Variants in CNTN2 observed in about 807,000 individuals in gnomAD.
The protein encoded by CNTN2 is contactin 2.
CNTN2 carries 53 observed loss-of-function variants against 117.5 expected under a neutral mutation model. That is an observed-to-expected ratio of 0.45 (90% CI 0.36 to 0.57). CNTN2 has a LOEUF of 0.57. Among genes scored for constraint, CNTN2 ranks in the 20% least tolerant of loss-of-function variants. CNTN2 has a pLI of 0.00. For missense variants in CNTN2, 1,106 were observed against 1,404.3 expected, an observed-to-expected ratio of 0.79 and a Z score of 3.39; for synonymous variants, 530 against 561.7, an observed-to-expected ratio of 0.94 and a Z score of 0.80.
intron 1 of CNTN2, among the ~76,000 whole-genome samples, chr1:205,047,622 T>G (rs916111316): frequency 2.0e-5 from 3 of 152,104 alleles, no homozygotes; most frequent in Non-Finnish European, 4.4e-5. Context: ...AGTGCTTACC[T>G]ATGACCATTG....
At position 205,064,429 on chromosome 1, in the gene CNTN2, G is replaced by A. The variant is rs1424219619; in HGVS notation, c.1348G>A (p.Val450Met). ...GCCCCGGGCAGCTCCAAAGGCCGTG[G>A]TGCTCTGGAGCAAAGGCACGGAGAT... ...CQPRAAPKAV[V>M]LWSKGTEILV... The change falls in exon 11 of 23, where the codon GTG becomes ATG. Residue 450 changes from valine to methionine, a missense_variant. Val to Met is a conservative substitution (Grantham distance 21). Coordinates refer to ENST00000331830, the MANE Select transcript of CNTN2 (RefSeq NM_005076.5). 6.2e-7 allele frequency: 1 copy of A among 1,612,570 alleles called. No individual in the cohort carries two copies. The highest frequency in any genetic ancestry group is 8.5e-7 in the Non-Finnish European group (1 of 1,178,738).
Position 205,058,914 on chromosome 1 carries a change from G to A in CNTN2, c.488-170G>A. The A allele has an allele frequency of 1.4e-6, 1 of 708,516 alleles. No homozygotes were observed. Among genetic ancestry groups the A allele is most frequent in the Non-Finnish European group, 2.3e-6 (1 of 427,376 alleles). 43.9% of individuals were successfully genotyped at this position (708,516 alleles called of 1,614,324 possible). A position where few individuals can be genotyped will look rare whatever the true frequency, so the allele number is the denominator to read the frequency against. On this transcript the variant is annotated intron_variant, in intron 5 of 22. Transcript: ENST00000331830. The surrounding 1 kb of genome is among the most constrained non-coding windows in gnomAD (Gnocchi z 4.3). The stretch of plus-strand genomic sequence containing the variant: ...CCCTGGCAGACTTAGCGCTCCCTGA[G>A]GGCAGGAATAAAGTCACTTCTTCCC...
rs546122783 is a variant in CNTN2, at chr1:205,043,682, G to A, written c.-87+288G>A. ...GGAGTGTGTCCAGGAATTCCAGTTG[G>A]CCAGCGGGCAGTGGCAGCTGCCTGT... On this transcript the variant is annotated intron_variant, in intron 1 of 22. Coordinates refer to ENST00000331830, the MANE Select transcript of CNTN2 (RefSeq NM_005076.5). Among the ~76,000 whole-genome samples the A allele has an allele frequency of 3.3e-5, 5 of 152,308 alleles. No homozygotes were observed. In the East Asian group the frequency reaches 5.8e-4, roughly 18 times the overall value.
In CNTN2 at chr1:205,073,645, G is replaced by A; in HGVS notation, c.3014-11G>A. 1.2e-6 allele frequency: 2 copies of A among 1,612,440 alleles called. No homozygotes were observed. Among genetic ancestry groups the A allele is most frequent in the African/African-American group, 1.3e-5 (1 of 75,042 alleles). On this transcript the variant is annotated splice_polypyrimidine_tract_variant and intron_variant, in intron 22 of 22. Coordinates refer to ENST00000331830, the MANE Select transcript of CNTN2 (RefSeq NM_005076.5). The surrounding 1 kb of genome is among the most constrained non-coding windows in gnomAD (Gnocchi z 6.3). ...CCCAGGCCCAGCTGACTCAGCTTGTGCTGGTTTCAGGCACAAGCATGATGG... is the reference window on the plus strand; with the variant it reads ...CCCAGGCCCAGCTGACTCAGCTTGTACTGGTTTCAGGCACAAGCATGATGG...
chr1:205,061,873 G>T lies in CNTN2; in HGVS notation c.982G>T (p.Glu328Ter). ...TTTCCGGGCTCCCACAGCTCAGCCT[G>T]AGTGGCTAAAAGTGATCTCGGACAC... Reference protein sequence around the residue: ...QGRIIVQAQPEWLKVISDTEA... With the variant: ...QGRIIVQAQP The change falls in exon 9 of 23, where the codon GAG becomes TAG. Residue 328 changes from glutamate to a stop codon, truncating the protein, a stop_gained. Transcript: ENST00000331830. LOFTEE classifies it high-confidence loss of function. This position sits in a 1 kb window ranked among gnomAD's most constrained non-coding sequence, Gnocchi z 4.8. 1 of 1,541,268 alleles carries T rather than the reference G, an allele frequency of 6.5e-7. No individual in the cohort carries two copies. The highest frequency in any genetic ancestry group is 8.8e-7 in the Non-Finnish European group (1 of 1,141,984).
At chr1:205,057,763 C>A in intron 2 of CNTN2, 158 bp from the exon 3 acceptor site, 1 of 678,806 alleles carries the variant, frequency 1.5e-6, no homozygotes, top group Non-Finnish European at 2.4e-6. Flanking sequence ...ATGTCAAGTG[C>A]TCGATAGCCC....
At chr1:205,064,246 T>C (rs2305277) in intron 10 of CNTN2, 76 bp from the exon 11 acceptor site, 575,627 of 1,484,146 alleles carry the variant, frequency 0.39, 122,461 homozygotes, top group East Asian at 0.87. Flanking sequence ...ATGGCGTGGC[T>C]TCAAAGGGCA....
chr1:205,044,833 C>T (rs1255169647), intron 1 of CNTN2, among the ~76,000 whole-genome samples: 1 of 152,174 alleles, frequency 6.6e-6, no homozygotes, highest in Non-Finnish European at 1.5e-5. Context: ...CAGGTGCCCT[C>T]ACTCCTGGCC....
rs1037450454 is a variant in CNTN2, at chr1:205,050,354, A to T, written c.-86-2746A>T. Among the ~76,000 whole-genome samples, 4 of 151,862 alleles carry T rather than the reference A, an allele frequency of 2.6e-5. No homozygotes were observed. The South Asian group carries it at 8.3e-4, about 32-fold the overall frequency. On this transcript the variant is annotated intron_variant, in intron 1 of 22. Coordinates refer to ENST00000331830, the MANE Select transcript of CNTN2 (RefSeq NM_005076.5). ...GAGAGTTTGTCTTGGGGCTGCCCCCAGGAAGAACGGAAGACCTGTCAACCC... is the reference window on the plus strand; with the variant it reads ...GAGAGTTTGTCTTGGGGCTGCCCCCTGGAAGAACGGAAGACCTGTCAACCC...
At position 205,076,702 on chromosome 1, in the gene CNTN2, C is replaced by G. The variant is rs1019832781; in HGVS notation, c.*2937C>G. 1 of 152,214 alleles carries G rather than the reference C, an allele frequency of 6.6e-6. No homozygotes were observed. Among genetic ancestry groups the G allele is most frequent in the African/African-American group, 2.4e-5 (1 of 41,430 alleles). 9.4% of individuals were successfully genotyped at this position (152,214 alleles called of 1,614,324 possible). A position where few individuals can be genotyped will look rare whatever the true frequency, so the allele number is the denominator to read the frequency against. On this transcript the variant is annotated 3_prime_UTR_variant, in exon 23 of 23. Transcript: ENST00000331830. ...TCTCTTCTGCATACATTTGGGCTCC[C>G]CTTACAGAGCCCTTTGCCCTGGCTC...
chr1:205,073,341 G>A lies in CNTN2; in HGVS notation c.3013+105G>A. The A allele has an allele frequency of 7.2e-7, 1 of 1,388,650 alleles. No homozygotes were observed. 86.0% of individuals were successfully genotyped at this position (1,388,650 alleles called of 1,614,324 possible). ...GCCAACTCCAATCTCTACCCGCAAA[G>A]GAAAGTGGAAGGCAGGCAGGAACCA... On this transcript the variant is annotated intron_variant, in intron 22 of 22. Coordinates refer to ENST00000331830, the MANE Select transcript of CNTN2 (RefSeq NM_005076.5). The surrounding 1 kb of genome is among the most constrained non-coding windows in gnomAD (Gnocchi z 6.3).
Position 205,061,856 on chromosome 1 carries a change from C to T in CNTN2, c.974-9C>T, listed in dbSNP as rs1031625859. ...CTCATGCCAGGTTTTCTTTTCCGGG[C>T]TCCCACAGCTCAGCCTGAGTGGCTA... On this transcript the variant is annotated splice_polypyrimidine_tract_variant and intron_variant, in intron 8 of 22. Coordinates refer to ENST00000331830, the MANE Select transcript of CNTN2 (RefSeq NM_005076.5). The surrounding 1 kb of genome is among the most constrained non-coding windows in gnomAD (Gnocchi z 4.8). 9 of 1,505,860 alleles carry T rather than the reference C, an allele frequency of 6.0e-6. No individual in the cohort carries two copies. In the African/African-American group the frequency reaches 1.1e-4, roughly 19 times the overall value. 93.3% of individuals were successfully genotyped at this position (1,505,860 alleles called of 1,614,324 possible). A position where few individuals can be genotyped will look rare whatever the true frequency, so the allele number is the denominator to read the frequency against.
chr1:205,069,665 A>G, intron 17 of CNTN2, 104 bp downstream of exon 17: 1 of 1,442,918 alleles, frequency 6.9e-7, no homozygotes, highest in South Asian at 1.2e-5. Flanking sequence ...AACGCGGATA[A>G]CTTCCTGTCC....
chr1:205,050,278 AGTGTGTGTGTGTGTGT>A (rs3073631), intron 1 of CNTN2, among the ~76,000 whole-genome samples: 2 of 145,392 alleles, frequency 1.4e-5, no homozygotes, highest in Non-Finnish European at 3.0e-5. Context: ...TAGAGCTCTG[AGTGTGTGTGTGTGTGT>A]GTGTGTGTGT....
intron 15 of CNTN2, 49 bp downstream of exon 15, chr1:205,066,648 G>A: frequency 6.3e-7 from 1 of 1,595,500 alleles, no homozygotes; most frequent in Non-Finnish European, 8.6e-7. Flanking sequence ...TCGACTGGGT[G>A]TAGGAGGTGG....
chr1:205,050,350 C>T (rs2096450485), intron 1 of CNTN2, among the ~76,000 whole-genome samples: 1 of 151,380 alleles, frequency 6.6e-6, no homozygotes, highest in African/African-American at 2.4e-5. Context: ...TTGGGGCTGC[C>T]CCCAGGAAGA....
At chr1:205,071,121 C>T (rs893907498) in intron 19 of CNTN2, among the ~76,000 whole-genome samples, 2 of 152,110 alleles carry the variant, frequency 1.3e-5, no homozygotes, top group Non-Finnish European at 2.9e-5. Flanking sequence ...GGAACAGGTT[C>T]TGGGAAGGGG....
At chr1:205,066,640 G>A (rs571788243) in intron 15 of CNTN2, 41 bp downstream of exon 15, 14 of 1,606,146 alleles carry the variant, frequency 8.7e-6, no homozygotes, top group Admixed American at 3.4e-5. Flanking sequence ...GATAAGGCTC[G>A]ACTGGGTGTA....
At position 205,062,014 on chromosome 1, in the gene CNTN2, G is replaced by C. The variant is rs763271031; in HGVS notation, c.1110+13G>C. 6.2e-7 allele frequency: 1 copy of C among 1,612,152 alleles called. No individual in the cohort carries two copies. Among genetic ancestry groups the C allele is most frequent in the South Asian group, 1.1e-5 (1 of 90,942 alleles). ...TCTGGCCTCCCAGGTAGGAGACATG[G>C]GGCTTCCCCCGACACATCACAACTG... On this transcript the variant is annotated intron_variant, in intron 9 of 22. Transcript: ENST00000331830.
Sources: allele counts gnomAD v4.1 joint callset (sites outside exome capture counted in the v4.1 genomes callset), GRCh38; gene constraint gnomAD v4.1.1; non-coding constraint Gnocchi (gnomAD v3.1); transcripts MANE v1.5; gene names NCBI Gene and HGNC (gene_info 2026-07-23, HGNC 2026-07-21).